PTBP3: variants seen among roughly 807,000 people sequenced by gnomAD.
The protein encoded by PTBP3 is polypyrimidine tract-binding protein 3.
In PTBP3, 20 loss-of-function variants were observed where a neutral mutation model predicts 58.7. That is an observed-to-expected ratio of 0.34 (90% CI 0.24 to 0.50). The LOEUF (loss-of-function observed/expected upper bound fraction) is 0.50, where lower values mean the gene tolerates loss of function less well. PTBP3 is among the 20% of genes least tolerant of loss of function. The pLI is 0.98. For missense variants in PTBP3, 509 were observed against 637.2 expected (o/e 0.80, Z 2.17); for synonymous variants, 185 against 219.8 (o/e 0.84, Z 1.40).
intron 1 of PTBP3, among the ~76,000 whole-genome samples, chr9:112,328,277 T>C (rs562879985): frequency 6.4e-4 from 98 of 152,356 alleles, no homozygotes; most frequent in East Asian, 9.6e-4. Context: ...AGTATTTACT[T>C]GGTAATTAAG....
In PTBP3 at chr9:112,221,530, A is replaced by T; in HGVS notation, c.*2321T>A. ...TTAACATGGCACTGAAAATTATAAT[A>T]GTGCCTGTGTGGAAGGGAAAAAAAA... On this transcript the variant is annotated 3_prime_UTR_variant, in exon 14 of 14. Coordinates refer to ENST00000374257, the MANE Select transcript of PTBP3 (RefSeq NM_001163788.4). 1.0e-6 allele frequency: 1 copy of T among 985,788 alleles called. No individual in the cohort carries two copies. The highest frequency in any genetic ancestry group is 1.2e-6 in the Non-Finnish European group (1 of 829,908). 61.1% of individuals were successfully genotyped at this position (985,788 alleles called of 1,614,324 possible).
intron 3 of PTBP3, among the ~76,000 whole-genome samples, chr9:112,269,946 TTC>T (rs578099629): frequency 0.011 from 1,069 of 101,656 alleles, 11 homozygotes; most frequent in African/African-American, 0.067. Context: ...ATTCCAAATC[TTC>T]TTTTTTTTTT....
upstream of PTBP3, among the ~76,000 whole-genome samples, chr9:112,336,229 T>G (rs530619320): frequency 1.3e-5 from 2 of 152,300 alleles, no homozygotes; most frequent in South Asian, 4.1e-4. Context: ...TTACGTTGTT[T>G]CCAAGTATTC....
intron 1 of PTBP3, among the ~76,000 whole-genome samples, chr9:112,306,173 CT>C (rs745743404): frequency 2.0e-5 from 3 of 151,214 alleles, no homozygotes; most frequent in East Asian, 3.9e-4. Flanking sequence ...ATTTTTTAAA[CT>C]TTTTTTTTGA....
At chr9:112,225,552 A>C (rs1834952794) in intron 12 of PTBP3, among the ~76,000 whole-genome samples, 2 of 152,234 alleles carry the variant, frequency 1.3e-5, no homozygotes, top group South Asian at 4.1e-4. Flanking sequence ...ACACTTAAAA[A>C]TAGTTAAAAC....
At chr9:112,359,897 AAAC>A in the PTBP3 span, among the ~76,000 whole-genome samples, 1 of 152,256 alleles carries the variant, frequency 6.6e-6, no homozygotes, top group Non-Finnish European at 1.5e-5. Flanking sequence ...CCATGCTTAA[AAAC>A]TATAAAAATT....
intron 2 of PTBP3, among the ~76,000 whole-genome samples, chr9:112,286,571 G>A (rs762832744): frequency 1.6e-4 from 24 of 151,646 alleles, no homozygotes; most frequent in Non-Finnish European, 2.6e-4. Context: ...CAAAGTATAC[G>A]TCTCTTTCCC....
rs1264423484 is a variant in PTBP3, at chr9:112,218,806, TTTC to T, written c.*5042_*5044del. ...GTTCATTTGTTCCCAAAAACCTTTT[TTTC>T]TTTTTTGGCCTTGTTAAAAAAAATG... On this transcript the variant is annotated 3_prime_UTR_variant, in exon 14 of 14. Transcript: ENST00000374257. 1 of 152,640 alleles carries T rather than the reference TTTC, an allele frequency of 6.6e-6. No homozygotes were observed. The highest frequency in any genetic ancestry group is 6.5e-5 in the Admixed American group (1 of 15,274). The allele number at this position is 152,640 out of a possible 1,614,324, so 9.5% of individuals were successfully genotyped here.
chr9:112,322,584 C>T (rs1262432326), intron 1 of PTBP3, among the ~76,000 whole-genome samples: 1 of 152,194 alleles, frequency 6.6e-6, no homozygotes, highest in Non-Finnish European at 1.5e-5. Context: ...TAACATAAAA[C>T]TCACACTAAA....
the PTBP3 span, among the ~76,000 whole-genome samples, chr9:112,346,145 T>C: frequency 8.6e-5 from 11 of 127,996 alleles, no homozygotes; most frequent in South Asian, 3.0e-3. Context: ...TTGGCAAATA[T>C]AAAAACTTTC....
Position 112,267,168 on chromosome 9 carries a change from CTT to C in PTBP3, c.351+879_351+880del, listed in dbSNP as rs59575179. ...TCATAATTTTAAAAAAACCCACTTT[CTT>C]TTTTTTTTTTTTTTTGAGACAGAGT... is the stretch of plus-strand genomic sequence containing the variant. On this transcript the variant is annotated intron_variant, in intron 4 of 13. Coordinates refer to ENST00000374257, the MANE Select transcript of PTBP3 (RefSeq NM_001163788.4). 8.0e-4 allele frequency among the ~76,000 whole-genome samples: 110 copies of C among 137,558 alleles called. 1 individual carries two copies. The highest frequency in any genetic ancestry group is 2.2e-3 in the African/African-American group (80 of 37,028). 90.2% of individuals were successfully genotyped at this position (137,558 alleles called of 152,430 possible).
chr9:112,256,896 C>A (rs1039868143), intron 5 of PTBP3, among the ~76,000 whole-genome samples: 2 of 151,572 alleles, frequency 1.3e-5, no homozygotes, highest in African/African-American at 4.8e-5. Flanking sequence ...TATTTTCACC[C>A]CAAGGGAAGT....
chr9:112,346,152 T>C, the PTBP3 span, among the ~76,000 whole-genome samples: 55,677 of 151,314 alleles, frequency 0.37, 10,380 homozygotes, highest in South Asian at 0.44. Context: ...ATATAAAAAC[T>C]TTCTTTTCTT....
At chr9:112,349,771 C>T in the PTBP3 span, among the ~76,000 whole-genome samples, 3 of 141,106 alleles carry the variant, frequency 2.1e-5, no homozygotes, top group Non-Finnish European at 4.5e-5. Context: ...GGCTGAGGCA[C>T]GAGAATCGCT....
chr9:112,325,741 T>G (rs1484114223), intron 1 of PTBP3, among the ~76,000 whole-genome samples: 1 of 152,126 alleles, frequency 6.6e-6, no homozygotes, highest in African/African-American at 2.4e-5. Flanking sequence ...CAGGTAAAAC[T>G]GGACAAGCAC....
chr9:112,349,969 C>T, the PTBP3 span, among the ~76,000 whole-genome samples: 3 of 150,840 alleles, frequency 2.0e-5, no homozygotes, highest in Non-Finnish European at 4.4e-5. Context: ...AACCCCCACA[C>T]ATCTGGTCAC....
chr9:112,329,786 C>A (rs1384842374), intron 1 of PTBP3, among the ~76,000 whole-genome samples: 3 of 150,804 alleles, frequency 2.0e-5, no homozygotes, highest in Admixed American at 2.0e-4. Context: ...ATAAGCACAT[C>A]CATGAAAGAG....
chr9:112,333,583 C>T lies in PTBP3; in HGVS notation c.-165G>A. Reference sequence around the variant, plus strand: ...TTCCGGGGACAAGCGAGCTTTGGCTCTGCGGAGCCCCGGCCGGTCCGAGGT... The same window carrying T: ...TTCCGGGGACAAGCGAGCTTTGGCTTTGCGGAGCCCCGGCCGGTCCGAGGT... On this transcript the variant is annotated 5_prime_UTR_variant, in exon 1 of 14. Transcript: ENST00000374257. The T allele has an allele frequency of 2.2e-6, 3 of 1,389,148 alleles. No homozygotes were observed. The highest frequency in any genetic ancestry group is 1.2e-5 in the South Asian group (1 of 81,136). 86.1% of individuals were successfully genotyped at this position (1,389,148 alleles called of 1,614,324 possible).
intron 7 of PTBP3, among the ~76,000 whole-genome samples, chr9:112,241,945 C>G (rs1330267502): frequency 1.3e-5 from 2 of 152,168 alleles, no homozygotes; most frequent in Admixed American, 1.3e-4. Flanking sequence ...TCAGCATAAT[C>G]CCTTTGCCTT....
Sources: allele counts gnomAD v4.1 joint callset (sites outside exome capture counted in the v4.1 genomes callset), GRCh38; gene constraint gnomAD v4.1.1; transcripts MANE v1.5; gene names NCBI Gene and HGNC (gene_info 2026-07-23, HGNC 2026-07-21).